The following ZMIZ1 variants were observed in gnomAD, a reference collection of about 807,000 sequenced individuals.
The protein encoded by ZMIZ1 is zinc finger MIZ-type containing 1, also known as zinc finger MIZ domain-containing protein 1.
In ZMIZ1, 17 loss-of-function variants were observed where a neutral mutation model predicts 113.9. The observed-to-expected ratio is 0.15, with a 90% CI of 0.10 to 0.22. The LOEUF is 0.22. Among genes scored for constraint, ZMIZ1 ranks in the 10% least tolerant of loss-of-function variants. The probability of loss-of-function intolerance (pLI) is 1.00; values close to 1 mark genes in which losing one functional copy is unlikely to be tolerated. For synonymous variants in ZMIZ1, 607 were observed against 603.1 expected (o/e 1.01, Z -0.09); for missense variants, 1,059 against 1,477.8 (o/e 0.72, Z 4.65).
At chr10:79,196,960 C>T (rs1266356421) in intron 4 of ZMIZ1, among the ~76,000 whole-genome samples, 6 of 152,182 alleles carry the variant, frequency 3.9e-5, no homozygotes, top group Admixed American at 6.5e-5. Context: ...AGGGAGAGGA[C>T]GGAGGGCCTG....
chr10:79,253,171 A>G (rs1850655530), intron 7 of ZMIZ1, among the ~76,000 whole-genome samples: 1 of 152,214 alleles, frequency 6.6e-6, no homozygotes, highest in Admixed American at 6.5e-5. Context: ...GATGAAGAGA[A>G]ATATAAGACA....
intron 6 of ZMIZ1, among the ~76,000 whole-genome samples, chr10:79,211,715 CA>C (rs1848534008): frequency 6.6e-6 from 1 of 152,262 alleles, no homozygotes; most frequent in Non-Finnish European, 1.5e-5. Context: ...ACAGGACCCC[CA>C]GGCCCTGCCC....
intron 7 of ZMIZ1, among the ~76,000 whole-genome samples, chr10:79,248,879 T>C (rs1216895895): frequency 6.6e-6 from 1 of 152,082 alleles, no homozygotes; most frequent in Non-Finnish European, 1.5e-5. Flanking sequence ...GCGGGTAGTC[T>C]CTGGGCTTGC....
At chr10:79,307,347 G>A in intron 22 of ZMIZ1, 58 bp from the exon 23 acceptor site, 5 of 1,531,184 alleles carry the variant, frequency 3.3e-6, no homozygotes, top group Non-Finnish European at 4.5e-6. Context: ...CTGTTCCCTG[G>A]GGGTGGCCAC....
chr10:79,308,385 G>T (rs1285066114), intron 23 of ZMIZ1, among the ~76,000 whole-genome samples: 1 of 152,246 alleles, frequency 6.6e-6, no homozygotes, highest in Non-Finnish European at 1.5e-5. Flanking sequence ...GGAGGCTGAA[G>T]TGGTGTGTCT....
chr10:79,132,155 G>A (rs1280902271), intron 2 of ZMIZ1, among the ~76,000 whole-genome samples: 1 of 152,194 alleles, frequency 6.6e-6, no homozygotes, highest in East Asian at 1.9e-4. Flanking sequence ...GAGCTTCTCT[G>A]AGCTTTCTAA....
chr10:79,299,384 G>A lies in ZMIZ1; in HGVS notation c.1808+193G>A, dbSNP rs1854140598. Among the ~76,000 whole-genome samples the A allele has an allele frequency of 3.3e-5, 5 of 152,388 alleles. No individual in the cohort carries two copies. In the South Asian group the frequency reaches 1.0e-3, roughly 32 times the overall value. On this transcript the variant is annotated intron_variant, in intron 16 of 24. Transcript: ENST00000334512. Reference sequence around the variant, plus strand: ...CTGCAGGTGCACAGGTAGATGAGCAGTCAAGGTGTCGTGGCCCAAGGGCAG... The same window carrying A: ...CTGCAGGTGCACAGGTAGATGAGCAATCAAGGTGTCGTGGCCCAAGGGCAG...
At chr10:79,080,752 C>G (rs1201769997) in intron 1 of ZMIZ1, among the ~76,000 whole-genome samples, 1 of 152,108 alleles carries the variant, frequency 6.6e-6, no homozygotes, top group Admixed American at 6.5e-5. Flanking sequence ...TGTGCTTCAT[C>G]TGCAGGACTG....
In ZMIZ1 at chr10:79,298,299, G is replaced by C. The variant is rs1854043313; in HGVS notation, c.1492-107G>C. On this transcript the variant is annotated intron_variant, in intron 14 of 24. Coordinates refer to ENST00000334512, the MANE Select transcript of ZMIZ1 (RefSeq NM_020338.4). ...TCCCTGGAGGAGGCTCTCCTCCCGA[G>C]GGGCATGGCTCCAGGCCCCTGGGAT... 19 of 1,281,822 alleles carry C rather than the reference G, an allele frequency of 1.5e-5. 1 individual carries two copies. The South Asian group carries it at 2.5e-4, about 17-fold the overall frequency. The allele number at this position is 1,281,822 out of a possible 1,614,324, so 79.4% of individuals were successfully genotyped here.
chr10:79,139,197 A>G (rs1211702625), intron 2 of ZMIZ1, among the ~76,000 whole-genome samples: 1 of 152,174 alleles, frequency 6.6e-6, no homozygotes, highest in Non-Finnish European at 1.5e-5. Flanking sequence ...CATAATGAGG[A>G]AAGAATTCAG....
chr10:79,291,043 C>G lies in ZMIZ1; in HGVS notation c.625C>G (p.Pro209Ala). The G allele has an allele frequency of 6.2e-7, 1 of 1,614,248 alleles. No individual in the cohort carries two copies. The highest frequency in any genetic ancestry group is 8.5e-7 in the Non-Finnish European group (1 of 1,180,050). The change falls in exon 10 of 25, where the codon CCA becomes GCA. Residue 209 changes from proline to alanine, a missense_variant. Transcript: ENST00000334512. ...GGCGTCGGGCATGACCACCAGCAAC[C>G]CAGGCCTCAACTCCCCACAGTTTGC... ...PMASGMTTSN[P>A]GLNSPQFAGQ...
chr10:79,288,942 T>C (rs1853278253), intron 8 of ZMIZ1, among the ~76,000 whole-genome samples: 1 of 151,982 alleles, frequency 6.6e-6, no homozygotes, highest in African/African-American at 2.4e-5. Flanking sequence ...AGGGGAAATA[T>C]GGTCCGGGTT....
chr10:79,207,948 C>A (rs768853880), intron 5 of ZMIZ1, among the ~76,000 whole-genome samples: 2 of 151,858 alleles, frequency 1.3e-5, no homozygotes, highest in African/African-American at 2.4e-5. Context: ...CCGCCACCCC[C>A]ACCAGCATCC....
Position 79,298,085 on chromosome 10 carries a change from T to A in ZMIZ1, c.1492-321T>A, listed in dbSNP as rs572863301. ...CCTGGGCTTCATTCCCGCTGTCCTG[T>A]CCTCCAAGGGTTGTGCTGAGCAAGT... On this transcript the variant is annotated intron_variant, in intron 14 of 24. Transcript: ENST00000334512. Among the ~76,000 whole-genome samples, 10 of 152,224 alleles carry A rather than the reference T, an allele frequency of 6.6e-5. No homozygotes were observed. The South Asian group carries it at 2.1e-3, about 32-fold the overall frequency.
At chr10:79,173,524 G>A (rs1846693101) in intron 4 of ZMIZ1, among the ~76,000 whole-genome samples, 2 of 152,112 alleles carry the variant, frequency 1.3e-5, no homozygotes, top group African/African-American at 2.4e-5. Context: ...AGGGGGCGGG[G>A]TGGCTTCTCC....
intron 23 of ZMIZ1, among the ~76,000 whole-genome samples, chr10:79,310,544 G>A (rs1333039453): frequency 2.6e-5 from 4 of 152,046 alleles, no homozygotes; most frequent in African/African-American, 4.8e-5. Context: ...CCTGCCTCCC[G>A]CTCCCCGGAA....
chr10:79,267,955 C>T (rs1851704322), intron 7 of ZMIZ1, among the ~76,000 whole-genome samples: 1 of 152,210 alleles, frequency 6.6e-6, no homozygotes, highest in Non-Finnish European at 1.5e-5. Flanking sequence ...CTGTGCATGG[C>T]TATAGAACTT....
intron 1 of ZMIZ1, among the ~76,000 whole-genome samples, chr10:79,087,790 A>G (rs1267696396): frequency 6.6e-6 from 1 of 152,218 alleles, no homozygotes; most frequent in African/African-American, 2.4e-5. Context: ...ACTCCTAGGC[A>G]TCCTGCAAAC....
chr10:79,216,428 C>T, intron 7 of ZMIZ1, 154 bp downstream of exon 7: 1 of 590,752 alleles, frequency 1.7e-6, no homozygotes, highest in Non-Finnish European at 2.8e-6. Context: ...CCACCAGGCT[C>T]TGGGACCCAC....
Sources: gnomAD v4.1 joint callset for allele counts (sites outside exome capture counted in the v4.1 genomes callset) on GRCh38, gnomAD v4.1.1 for gene constraint, MANE v1.5 for transcripts, NCBI Gene and HGNC (gene_info 2026-07-23, HGNC 2026-07-21) for gene names.